RABGAP1L: variants seen among roughly 807,000 people sequenced by gnomAD.
The protein encoded by RABGAP1L is rab GTPase-activating protein 1-like.
Under a neutral mutation model 137.7 loss-of-function variants are expected in RABGAP1L, and 63 were observed. That is an observed-to-expected ratio of 0.46 (90% confidence interval 0.37 to 0.56). The LOEUF (loss-of-function observed/expected upper bound fraction) is 0.56, where lower values mean the gene tolerates loss of function less well. RABGAP1L is among the 20% of genes least tolerant of loss of function. The pLI, the probability that RABGAP1L is intolerant of heterozygous loss-of-function variation, is 0.00. For missense variants in RABGAP1L, 1,095 were observed against 1,244.0 expected (o/e 0.88, Z 1.80); for synonymous variants, 431 against 433.7 (o/e 0.99, Z 0.08).
chr1:174,384,504 A>T (rs1686567431), intron 12 of RABGAP1L, among the ~76,000 whole-genome samples: 1 of 118,674 alleles, frequency 8.4e-6, no homozygotes, highest in South Asian at 3.4e-4. Context: ...TAGTGTCACT[A>T]AACCAAAAAA....
chr1:174,870,139 A>C (rs1337703166), intron 19 of RABGAP1L, among the ~76,000 whole-genome samples: 1 of 152,178 alleles, frequency 6.6e-6, no homozygotes, highest in African/African-American at 2.4e-5. Context: ...ATCTTCAATG[A>C]CTGGCTTTGG....
At chr1:174,307,694 G>C (rs1349839700) in intron 11 of RABGAP1L, among the ~76,000 whole-genome samples, 1 of 152,048 alleles carries the variant, frequency 6.6e-6, no homozygotes, top group Non-Finnish European at 1.5e-5. Context: ...TTTAGATAAA[G>C]CACATTTTGT....
intron 19 of RABGAP1L, among the ~76,000 whole-genome samples, chr1:174,928,469 A>C (rs545645602): frequency 6.6e-6 from 1 of 151,938 alleles, no homozygotes; most frequent in Non-Finnish European, 1.5e-5. Flanking sequence ...ATAATGATGA[A>C]TAAACAAAAG....
intron 13 of RABGAP1L, among the ~76,000 whole-genome samples, chr1:174,464,547 T>C (rs939057253): frequency 1.3e-5 from 2 of 152,208 alleles, no homozygotes; most frequent in Non-Finnish European, 2.9e-5. Flanking sequence ...CTTACACTGC[T>C]CATCTCTTTT....
At chr1:174,866,029 A>G (rs1273755254) in intron 19 of RABGAP1L, among the ~76,000 whole-genome samples, 1 of 151,190 alleles carries the variant, frequency 6.6e-6, no homozygotes, top group East Asian at 2.0e-4. Context: ...TATCTGCCAA[A>G]TAGTTTAGGA....
intron 7 of RABGAP1L, among the ~76,000 whole-genome samples, chr1:174,266,580 T>C (rs1674093522): frequency 6.6e-6 from 1 of 152,196 alleles, no homozygotes; most frequent in Non-Finnish European, 1.5e-5. Flanking sequence ...AACAGAGTAA[T>C]TGCAAAACAA....
At position 174,413,236 on chromosome 1, in the gene RABGAP1L, C is replaced by G. The variant is rs894328767; in HGVS notation, c.1710+19091C>G. Reference sequence around the variant, plus strand: ...TCAGGCTCTGAGATTCTTTCCTCAACATGGTCTCTTCTGTTGCTAACACAT... The same window carrying G: ...TCAGGCTCTGAGATTCTTTCCTCAAGATGGTCTCTTCTGTTGCTAACACAT... On this transcript the variant is annotated intron_variant, in intron 13 of 25. Transcript: ENST00000681986. 2.0e-5 allele frequency among the ~76,000 whole-genome samples: 3 copies of G among 152,148 alleles called. No homozygotes were observed. In the South Asian group the frequency reaches 6.2e-4, roughly 31 times the overall value.
At chr1:174,419,939 T>A (rs1336883327) in intron 13 of RABGAP1L, among the ~76,000 whole-genome samples, 3 of 152,160 alleles carry the variant, frequency 2.0e-5, no homozygotes, top group Admixed American at 2.0e-4. Flanking sequence ...GGCATTTAAA[T>A]TTTCCATTTG....
At chr1:174,760,119 C>G (rs1030362445) in intron 18 of RABGAP1L, among the ~76,000 whole-genome samples, 1 of 152,084 alleles carries the variant, frequency 6.6e-6, no homozygotes, top group African/African-American at 2.4e-5. Context: ...CTGCACTTTC[C>G]CCATATACTC....
chr1:174,426,106 T>G (rs751686486), intron 13 of RABGAP1L, among the ~76,000 whole-genome samples: 1 of 152,088 alleles, frequency 6.6e-6, no homozygotes, highest in Non-Finnish European at 1.5e-5. Context: ...ACCTTTACAC[T>G]TGAACACCAC....
At chr1:174,401,508 A>G (rs934172718) in intron 13 of RABGAP1L, among the ~76,000 whole-genome samples, 1 of 152,182 alleles carries the variant, frequency 6.6e-6, no homozygotes, top group Non-Finnish European at 1.5e-5. Context: ...AGAAAGTACT[A>G]TAGGAAATAT....
At chr1:174,951,988 A>T (rs1166246791) in intron 19 of RABGAP1L, among the ~76,000 whole-genome samples, 2 of 152,212 alleles carry the variant, frequency 1.3e-5, no homozygotes, top group Non-Finnish European at 2.9e-5. Context: ...GCATAGATCA[A>T]CTTGAAAAAT....
intron 19 of RABGAP1L, among the ~76,000 whole-genome samples, 176 bp downstream of exon 19, chr1:174,812,136 C>T (rs1054027166): frequency 6.6e-6 from 1 of 152,086 alleles, no homozygotes; most frequent in African/African-American, 2.4e-5. Context: ...AGTAGCTGTA[C>T]CTTCTAGTAG....
chr1:174,900,357 G>A (rs768060654), intron 19 of RABGAP1L, among the ~76,000 whole-genome samples: 12 of 152,160 alleles, frequency 7.9e-5, no homozygotes, highest in African/African-American at 2.4e-4. Flanking sequence ...GTTACTTGGC[G>A]TATATTCTAT....
At chr1:174,773,608 T>G (rs1686297964) in intron 18 of RABGAP1L, among the ~76,000 whole-genome samples, 1 of 152,162 alleles carries the variant, frequency 6.6e-6, no homozygotes, top group African/African-American at 2.4e-5. Flanking sequence ...TTGAATAGGA[T>G]AGAAGCAGAG....
intron 18 of RABGAP1L, chr1:174,800,497 G>A (rs1341433736): frequency 7.1e-6 from 11 of 1,550,238 alleles, no homozygotes. Flanking sequence ...CTCGGCTTCT[G>A]GCGGTGAGAT....
Position 174,221,132 on chromosome 1 carries a change from C to G in RABGAP1L, c.299C>G (p.Ser100Cys). ...DIPASQTNKP[S>C]LQLILDPSNT... The stretch of plus-strand genomic sequence containing the variant: ...CCAGCCAGCCAAACAAATAAGCCAT[C>G]TCTTCAGTTAATTTTGGATCCGTCT... The change falls in exon 3 of 26, where the codon TCT (serine) becomes TGT (cysteine). Residue 100 changes from serine (S) to cysteine (C), a missense_variant. Around this residue, in one of 4 missense-constraint regions of RABGAP1L, gnomAD observed 356 missense variants for 326.3 expected, o/e 1.09. Transcript: ENST00000681986. 1 of 1,612,210 alleles carries G rather than the reference C, an allele frequency of 6.2e-7. No individual in the cohort carries two copies. Among genetic ancestry groups the G allele is most frequent in the South Asian group, 1.1e-5 (1 of 90,828 alleles).
chr1:174,309,082 C>A (rs181270347), intron 11 of RABGAP1L, among the ~76,000 whole-genome samples: 3 of 152,118 alleles, frequency 2.0e-5, no homozygotes, highest in Admixed American at 2.0e-4. Context: ...GTGGAGAGAT[C>A]TTTCACCTCA....
chr1:174,666,851 T>C (rs1185379659), intron 14 of RABGAP1L, among the ~76,000 whole-genome samples: 1 of 152,118 alleles, frequency 6.6e-6, no homozygotes, highest in Non-Finnish European at 1.5e-5. Context: ...CTAAAAACTT[T>C]CTTTAATAAT....
Sources: gnomAD v4.1 joint callset for allele counts (sites outside exome capture counted in the v4.1 genomes callset) on GRCh38, gnomAD v4.1.1 for gene constraint, gnomAD v4.1.1 regional missense constraint, MANE v1.5 for transcripts, NCBI Gene and HGNC (gene_info 2026-07-23, HGNC 2026-07-21) for gene names.